The following CLASP1 variants were observed in gnomAD, a reference collection of about 807,000 sequenced individuals.
CLASP1 encodes the protein CLIP-associating protein 1.
CLASP1 carries 38 observed loss-of-function variants against 192.3 expected under a neutral mutation model. That is an observed-to-expected ratio of 0.20 (90% CI 0.15 to 0.26). CLASP1 has a LOEUF of 0.26. Among genes scored for constraint, CLASP1 ranks in the 10% least tolerant of loss-of-function variants. The pLI is 1.00. For missense variants in CLASP1, 1,433 were observed against 1,932.5 expected, an observed-to-expected ratio of 0.74 and a Z score of 4.85; for synonymous variants, 691 against 712.8, an observed-to-expected ratio of 0.97 and a Z score of 0.49.
chr2:121,457,400 T>G (rs2086896592), intron 14 of CLASP1, among the ~76,000 whole-genome samples: 2 of 149,724 alleles, frequency 1.3e-5, no homozygotes, highest in Non-Finnish European at 3.0e-5. Context: ...GTACAGGGAG[T>G]CCTCTCCCCT....
intron 30 of CLASP1, among the ~76,000 whole-genome samples, chr2:121,396,881 A>T (rs1335709886): frequency 6.6e-6 from 1 of 152,232 alleles, no homozygotes; most frequent in Non-Finnish European, 1.5e-5. Context: ...TGTGTAAAAG[A>T]CACTAATTTA....
chr2:121,357,800 A>G (rs7601219), intron 37 of CLASP1, among the ~76,000 whole-genome samples: 32,235 of 152,138 alleles, frequency 0.21, 6,525 homozygotes, highest in African/African-American at 0.53. Context: ...GTCTCCTGCC[A>G]TCTTGGCTCA....
intron 14 of CLASP1, among the ~76,000 whole-genome samples, chr2:121,453,526 TAC>T (rs939361640): frequency 5.9e-5 from 9 of 151,834 alleles, no homozygotes; most frequent in Non-Finnish European, 1.0e-4. Context: ...AGACACCAAC[TAC>T]ACACACACAC....
At chr2:121,470,391 G>C (rs1208630977) in intron 8 of CLASP1, 1 of 448,230 alleles carries the variant, frequency 2.2e-6, no homozygotes, top group African/African-American at 2.1e-5. Flanking sequence ...ACAGGCATGA[G>C]CCACTGTACT....
chr2:121,612,337 G>C (rs1038825991), intron 1 of CLASP1, among the ~76,000 whole-genome samples: 1 of 151,502 alleles, frequency 6.6e-6, no homozygotes, highest in African/African-American at 2.4e-5. Flanking sequence ...ACAGGAGGAA[G>C]AGCAGCATGA....
intron 20 of CLASP1, among the ~76,000 whole-genome samples, chr2:121,429,021 A>G (rs1029552395): frequency 5.3e-5 from 8 of 152,156 alleles, no homozygotes; most frequent in Non-Finnish European, 1.0e-4. Flanking sequence ...AGTGTATCAC[A>G]CTACACAATA....
intron 7 of CLASP1, among the ~76,000 whole-genome samples, chr2:121,507,225 G>GA (rs2093971028): frequency 6.6e-6 from 1 of 152,012 alleles, no homozygotes; most frequent in Non-Finnish European, 1.5e-5. Context: ...ACCAAATAGA[G>GA]AAAAACAACA....
In CLASP1 at chr2:121,465,897, C is replaced by A. The variant is rs1214059904; in HGVS notation, c.866-3292G>T. ...CTACAACTATCTGATCTTTGACAAA[C>A]CTGAGAAAAACAAGCAATGGGGAAA... On this transcript the variant is annotated intron_variant, in intron 9 of 39. Coordinates refer to ENST00000263710, the Ensembl canonical transcript of CLASP1. Among the ~76,000 whole-genome samples the A allele has an allele frequency of 4.6e-5, 7 of 152,212 alleles. No individual in the cohort carries two copies. The East Asian group carries it at 7.7e-4, about 17-fold the overall frequency.
At chr2:121,581,878 C>T (rs1181172161) in intron 2 of CLASP1, among the ~76,000 whole-genome samples, 1 of 150,774 alleles carries the variant, frequency 6.6e-6, no homozygotes, top group Non-Finnish European at 1.5e-5. Context: ...AAGCGAGATA[C>T]TGTCTCAAAA....
intron 21 of CLASP1, 79 bp from the exon 22 acceptor site, chr2:121,425,385 T>G: frequency 7.9e-7 from 1 of 1,269,200 alleles, no homozygotes; most frequent in Non-Finnish European, 1.1e-6. Flanking sequence ...AGCCAGATTT[T>G]ACACATTAAT....
chr2:121,640,070 G>C (rs2071735740), intron 1 of CLASP1, among the ~76,000 whole-genome samples: 1 of 152,102 alleles, frequency 6.6e-6, no homozygotes, highest in African/African-American at 2.4e-5. Flanking sequence ...GTCCTTTGTA[G>C]GGACACGGAT....
chr2:121,439,117 T>C (rs1372910191), intron 19 of CLASP1, among the ~76,000 whole-genome samples: 1 of 151,396 alleles, frequency 6.6e-6, no homozygotes, highest in Admixed American at 6.6e-5. Context: ...TTTATTTGCG[T>C]AGAGGTGTTT....
At chr2:121,579,249 T>C (rs2060881296) in intron 2 of CLASP1, among the ~76,000 whole-genome samples, 2 of 152,180 alleles carry the variant, frequency 1.3e-5, no homozygotes, top group Admixed American at 6.6e-5. Flanking sequence ...GCTGGGGGGA[T>C]CTGAAGGAGC....
intron 25 of CLASP1, among the ~76,000 whole-genome samples, chr2:121,405,509 T>C (rs755859331): frequency 3.9e-5 from 6 of 152,230 alleles, no homozygotes; most frequent in Non-Finnish European, 7.3e-5. Context: ...CCTTGACTAC[T>C]ACCAAGTCCC....
intron 6 of CLASP1, among the ~76,000 whole-genome samples, chr2:121,523,930 G>A (rs1443770128): frequency 2.0e-5 from 3 of 152,190 alleles, no homozygotes; most frequent in Non-Finnish European, 2.9e-5. Context: ...TGAGTGAGGG[G>A]ACCCTGTGGG....
At chr2:121,499,008 T>G (rs1233575714) in intron 8 of CLASP1, among the ~76,000 whole-genome samples, 1 of 152,248 alleles carries the variant, frequency 6.6e-6, no homozygotes, top group African/African-American at 2.4e-5. Context: ...GAAAACTGTG[T>G]GTTTACTGTG....
rs531467472 is a variant in CLASP1, at chr2:121,441,935, TGAAGA to T, written c.1912+5397_1912+5401del. On this transcript the variant is annotated intron_variant, in intron 19 of 39. Transcript: ENST00000263710. ...GTACTAAAATCTAAGTTCTTTTTCCTGAAGAGAAGACAAGGCTATATAATTTTTAT... is the reference window on the plus strand; with the variant it reads ...GTACTAAAATCTAAGTTCTTTTTCCTGAAGACAAGGCTATATAATTTTTAT... Among the ~76,000 whole-genome samples, 320 of 152,306 alleles carry T rather than the reference TGAAGA, an allele frequency of 2.1e-3. 1 individual carries two copies. Among genetic ancestry groups the T allele is most frequent in the African/African-American group, 7.2e-3 (300 of 41,572 alleles).
At chr2:121,506,438 G>A (rs375764196) in intron 7 of CLASP1, among the ~76,000 whole-genome samples, 18 of 151,640 alleles carry the variant, frequency 1.2e-4, no homozygotes, top group African/African-American at 2.7e-4. Context: ...TCAACATGGC[G>A]GATACCCAAG....
intron 34 of CLASP1, among the ~76,000 whole-genome samples, chr2:121,376,583 G>GTAC (rs1436327625): frequency 2.0e-5 from 3 of 152,156 alleles, no homozygotes; most frequent in African/African-American, 7.2e-5. Flanking sequence ...TTGCAGCTAG[G>GTAC]TAAGAGGAAT....
Sources: gnomAD v4.1 joint callset for allele counts (sites outside exome capture counted in the v4.1 genomes callset) on GRCh38, gnomAD v4.1.1 for gene constraint, MANE v1.5 for transcripts, NCBI Gene and HGNC (gene_info 2026-07-23, HGNC 2026-07-21) for gene names.